MVB12B: variants seen among roughly 807,000 people sequenced by gnomAD.
The protein encoded by MVB12B is multivesicular body subunit 12B, also known as ESCRT-I complex subunit MVB12B.
A neutral mutation model predicts 41.6 loss-of-function variants in MVB12B; 16 were observed. The observed-to-expected ratio is 0.38, with a 90% CI of 0.26 to 0.58. The LOEUF (loss-of-function observed/expected upper bound fraction) is 0.58, where lower values mean the gene tolerates loss of function less well. Ranked by LOEUF, MVB12B falls within the 20% of genes least tolerant of loss-of-function variation. The probability of loss-of-function intolerance (pLI) is 0.62; values close to 1 mark genes in which losing one functional copy is unlikely to be tolerated. For synonymous variants in MVB12B, 133 were observed against 139.7 expected, an observed-to-expected ratio of 0.95 and a Z score of 0.34; for missense variants, 274 against 380.2, an observed-to-expected ratio of 0.72 and a Z score of 2.32.
chr9:126,478,964 G>A lies in MVB12B; in HGVS notation c.758-2405G>A, dbSNP rs1040280859. Among the ~76,000 whole-genome samples the A allele has an allele frequency of 1.3e-5, 2 of 152,228 alleles. No individual in the cohort carries two copies. The highest frequency in any genetic ancestry group is 2.4e-5 in the African/African-American group (1 of 41,460). On this transcript the variant is annotated intron_variant, in intron 7 of 9. Transcript: ENST00000361171. This position sits in a 1 kb window ranked among gnomAD's most constrained non-coding sequence, Gnocchi z 4.2. ...AGAAAGTCTGGGGAATGAATGGTGA[G>A]TGGGTTCTGCAGGGGAGCAATTGCC... is the stretch of plus-strand genomic sequence containing the variant.
intron 6 of MVB12B, among the ~76,000 whole-genome samples, chr9:126,410,471 C>T (rs914716803): frequency 3.9e-5 from 6 of 152,170 alleles, no homozygotes; most frequent in African/African-American, 1.4e-4. Context: ...TAGGGTACTA[C>T]TTCCCTTGCT....
chr9:126,457,460 GT>G (rs1387507616), intron 7 of MVB12B, among the ~76,000 whole-genome samples: 1 of 152,154 alleles, frequency 6.6e-6, no homozygotes, highest in Admixed American at 6.5e-5. Context: ...TCAGTGACAT[GT>G]TTATGTCATG....
chr9:126,418,058 G>A (rs1395689873), intron 6 of MVB12B, among the ~76,000 whole-genome samples: 1 of 152,184 alleles, frequency 6.6e-6, no homozygotes, highest in African/African-American at 2.4e-5. Flanking sequence ...TCTGGAAGGT[G>A]GGCTGGTGTG....
chr9:126,504,203 T>A lies in MVB12B; in HGVS notation c.*940T>A, dbSNP rs1002266823. On this transcript the variant is annotated 3_prime_UTR_variant, in exon 10 of 10. Transcript: ENST00000361171. ...GACGGGAACAAGTCATTCTGAAAGGTCCCTCTGACCCAGGTCACCAAATTT... is the reference window on the plus strand; with the variant it reads ...GACGGGAACAAGTCATTCTGAAAGGACCCTCTGACCCAGGTCACCAAATTT... 6.6e-6 allele frequency: 1 copy of A among 152,192 alleles called. No individual in the cohort carries two copies. The highest frequency in any genetic ancestry group is 1.5e-5 in the Non-Finnish European group (1 of 68,062). The allele number at this position is 152,192 out of a possible 1,614,324, so 9.4% of individuals were successfully genotyped here. A position where few individuals can be genotyped will look rare whatever the true frequency, so the allele number is the denominator to read the frequency against.
Position 126,391,548 on chromosome 9 carries a change from C to T in MVB12B, c.410-518C>T, listed in dbSNP as rs957076010. 9.9e-5 allele frequency among the ~76,000 whole-genome samples: 15 copies of T among 152,174 alleles called. No individual in the cohort carries two copies. Among genetic ancestry groups the T allele is most frequent in the African/African-American group, 3.1e-4 (13 of 41,418 alleles). On this transcript the variant is annotated intron_variant, in intron 4 of 9. Coordinates refer to ENST00000361171, the MANE Select transcript of MVB12B (RefSeq NM_033446.3). The surrounding 1 kb of genome is among the most constrained non-coding windows in gnomAD (Gnocchi z 4.4). ...TATTGATGGTGACATAACGTAGTGTCGTCAGGGATTCATTTTAAATATCCA... is the reference window on the plus strand; with the variant it reads ...TATTGATGGTGACATAACGTAGTGTTGTCAGGGATTCATTTTAAATATCCA...
chr9:126,424,982 A>G (rs1295103045), intron 7 of MVB12B, among the ~76,000 whole-genome samples: 2 of 152,258 alleles, frequency 1.3e-5, no homozygotes, highest in African/African-American at 4.8e-5. Flanking sequence ...TAAATTACAA[A>G]ACATCCATAC....
intron 6 of MVB12B, among the ~76,000 whole-genome samples, chr9:126,404,705 G>A (rs752677041): frequency 5.9e-5 from 9 of 152,208 alleles, no homozygotes; most frequent in Non-Finnish European, 8.8e-5. Context: ...TGTGGTCGCC[G>A]ACTGAGGGAA....
At chr9:126,366,790 G>A (rs1456562302) in intron 2 of MVB12B, among the ~76,000 whole-genome samples, 1 of 151,998 alleles carries the variant, frequency 6.6e-6, no homozygotes, top group Non-Finnish European at 1.5e-5. Flanking sequence ...TTGGCGTCTG[G>A]CCCTGCCAGG....
intron 7 of MVB12B, among the ~76,000 whole-genome samples, chr9:126,442,648 C>A (rs1365951220): frequency 6.6e-6 from 1 of 152,142 alleles, no homozygotes; most frequent in Non-Finnish European, 1.5e-5. Flanking sequence ...CTCCTTGTGT[C>A]TTTGCACTCT....
At chr9:126,396,095 C>A in intron 6 of MVB12B, 1 of 998,422 alleles carries the variant, frequency 1.0e-6, no homozygotes. Context: ...TAGGTGAGTT[C>A]TTATATTCTT....
intron 1 of MVB12B, among the ~76,000 whole-genome samples, chr9:126,332,936 G>A (rs1253493216): frequency 2.0e-5 from 3 of 152,246 alleles, no homozygotes; most frequent in Non-Finnish European, 2.9e-5. Context: ...GAAAGGCTGT[G>A]TGTGTATGTG....
intron 8 of MVB12B, among the ~76,000 whole-genome samples, chr9:126,483,177 A>G (rs1220903991): frequency 6.6e-6 from 1 of 151,972 alleles, no homozygotes; most frequent in Non-Finnish European, 1.5e-5. Flanking sequence ...AGCACAGAAC[A>G]CTCATGTGCC....
At chr9:126,495,167 G>A (rs2119229106) in intron 9 of MVB12B, among the ~76,000 whole-genome samples, 1 of 147,264 alleles carries the variant, frequency 6.8e-6, no homozygotes, top group Middle Eastern at 3.6e-3. Context: ...ACTCCAGCCT[G>A]GGTAACAGAG....
chr9:126,420,525 A>G (rs1416033462), intron 6 of MVB12B, among the ~76,000 whole-genome samples: 1 of 147,328 alleles, frequency 6.8e-6, no homozygotes, highest in East Asian at 2.0e-4. Flanking sequence ...ACCTGTGGGA[A>G]CATCCCCTCC....
rs35585049 is a variant in MVB12B, at chr9:126,375,363, CTTTTTTTT to C, written c.205-5689_205-5682del. 2.1e-3 allele frequency among the ~76,000 whole-genome samples: 221 copies of C among 105,210 alleles called. 3 individuals are homozygous for C. Among genetic ancestry groups the C allele is most frequent in the African/African-American group, 8.3e-3 (218 of 26,322 alleles). The allele number at this position is 105,210 out of a possible 152,430, so 69.0% of individuals were successfully genotyped here. On this transcript the variant is annotated intron_variant, in intron 2 of 9. Coordinates refer to ENST00000361171, the MANE Select transcript of MVB12B (RefSeq NM_033446.3). ...TGTCTTTTTAATTTTTAAATTGATT[CTTTTTTTT>C]TTTTTTTTTTTGTCAAATAGCCTTA...
chr9:126,433,384 C>A (rs1329686262), intron 7 of MVB12B, among the ~76,000 whole-genome samples: 1 of 147,646 alleles, frequency 6.8e-6, no homozygotes, highest in East Asian at 1.9e-4. Context: ...GTGGGGGCTG[C>A]ACTAGCCTTG....
chr9:126,348,648 T>C (rs527241893), intron 2 of MVB12B, among the ~76,000 whole-genome samples: 2 of 152,216 alleles, frequency 1.3e-5, no homozygotes, highest in Non-Finnish European at 2.9e-5. Flanking sequence ...TAATTCCCTA[T>C]TTAAAAAGCC....
At chr9:126,463,246 G>A (rs940268077) in intron 7 of MVB12B, among the ~76,000 whole-genome samples, 7 of 152,138 alleles carry the variant, frequency 4.6e-5, no homozygotes, top group African/African-American at 1.2e-4. Context: ...TCCAAGAGGC[G>A]TGAGTTCTAA....
chr9:126,336,421 G>T (rs1043603945), intron 1 of MVB12B, among the ~76,000 whole-genome samples: 10 of 152,236 alleles, frequency 6.6e-5, no homozygotes, highest in African/African-American at 2.4e-4. Context: ...ACACACTGTT[G>T]TAGTAATTCT....
Sources: allele counts gnomAD v4.1 joint callset (sites outside exome capture counted in the v4.1 genomes callset), GRCh38; gene constraint gnomAD v4.1.1; non-coding constraint Gnocchi (gnomAD v3.1); transcripts MANE v1.5; gene names NCBI Gene and HGNC (gene_info 2026-07-23, HGNC 2026-07-21).